UROC1: variants seen among roughly 807,000 people sequenced by gnomAD.
UROC1 encodes the protein urocanate hydratase 1, also known as urocanate hydratase.
A neutral mutation model predicts 89.5 loss-of-function variants in UROC1; 79 were observed. The ratio of observed to expected loss-of-function variants is 0.88; its 90% confidence interval spans 0.74 to 1.06. The LOEUF (loss-of-function observed/expected upper bound fraction) is 1.06. UROC1 is among the 50% of genes least tolerant of loss of function. UROC1 has a pLI of 0.00. For missense variants in UROC1, 885 were observed against 907.8 expected (o/e 0.97, Z 0.32); for synonymous variants, 361 against 354.8 (o/e 1.02, Z -0.20).
intron 13 of UROC1, 75 bp downstream of exon 13, chr3:126,499,262 T>A: frequency 6.6e-7 from 1 of 1,524,774 alleles, no homozygotes; most frequent in Admixed American, 1.7e-5. Context: ...CCAACCTAAA[T>A]ACCCAGGACG....
intron 11 of UROC1, 128 bp downstream of exon 11, chr3:126,500,567 G>T: frequency 4.4e-6 from 5 of 1,127,254 alleles, no homozygotes; most frequent in Non-Finnish European, 6.7e-6. Flanking sequence ...GGAGGCAGAG[G>T]CTCAGAGAGG....
intron 18 of UROC1, among the ~76,000 whole-genome samples, chr3:126,485,661 C>T (rs1935499669): frequency 6.7e-6 from 1 of 150,236 alleles, no homozygotes; most frequent in South Asian, 2.1e-4. Flanking sequence ...ACCTCCTGGG[C>T]TCAAGCAATC....
chr3:126,489,871 G>A (rs577087497), intron 16 of UROC1, among the ~76,000 whole-genome samples: 1 of 152,320 alleles, frequency 6.6e-6, no homozygotes, highest in South Asian at 2.1e-4. Context: ...GTATGTCGAG[G>A]AGAGTACTAA....
intron 10 of UROC1, 122 bp from the exon 11 acceptor site, chr3:126,500,996 C>T (rs1935907225): frequency 1.4e-6 from 2 of 1,409,596 alleles, no homozygotes; most frequent in African/African-American, 1.4e-5. Flanking sequence ...ACAGCCCGAG[C>T]CAGACCCTGC....
At position 126,499,363 on chromosome 3, in the gene UROC1, G is replaced by C. The variant is rs1935855705; in HGVS notation, c.1290C>G (p.Tyr430Ter). 1.2e-6 allele frequency: 2 copies of C among 1,612,300 alleles called. No homozygotes were observed. The highest frequency in any genetic ancestry group is 1.7e-6 in the Non-Finnish European group (2 of 1,179,728). The change falls in exon 13 of 20, where the codon TAC (tyrosine) becomes TAG (stop). Residue 430 changes from tyrosine (Y) to a stop codon, truncating the protein, a stop_gained. Transcript: ENST00000290868. LOFTEE classifies it high-confidence loss of function. ...KKGAGRTEFRYPSYVQHIMGD... is the reference protein window; with the variant it reads ...KKGAGRTEFR ...CCATGATGTGCTGCACATAGGAAGGGTAGCGGAACTCTGTCCTGCCAGCAC... is the reference window on the plus strand; with the variant it reads ...CCATGATGTGCTGCACATAGGAAGGCTAGCGGAACTCTGTCCTGCCAGCAC...
intron 10 of UROC1, 140 bp from the exon 11 acceptor site, chr3:126,501,014 C>A (rs1320157728): frequency 2.9e-6 from 4 of 1,365,600 alleles, no homozygotes; most frequent in Non-Finnish European, 4.1e-6. Context: ...TGCTTTCCCC[C>A]TGGAAAGAGA....
chr3:126,482,322 A>C lies in UROC1; in HGVS notation c.*23T>G. On this transcript the variant is annotated 3_prime_UTR_variant, in exon 20 of 20. Transcript: ENST00000290868. ...AGGATCGCCAGGGAGGAAGGGAGGC[A>C]GGGGCCGCGACTCCTGGCTCCCTCA... The C allele has an allele frequency of 6.2e-7, 1 of 1,609,868 alleles. No individual in the cohort carries two copies. The highest frequency in any genetic ancestry group is 1.1e-5 in the South Asian group (1 of 90,972).
intron 18 of UROC1, among the ~76,000 whole-genome samples, chr3:126,484,114 G>A (rs965218322): frequency 1.3e-5 from 2 of 152,152 alleles, no homozygotes; most frequent in African/African-American, 4.8e-5. Flanking sequence ...TGAAGGCTAA[G>A]TTCCTTTATT....
intron 4 of UROC1, 23 bp downstream of exon 4, chr3:126,508,393 C>T (rs367929046): frequency 1.9e-5 from 30 of 1,612,422 alleles, no homozygotes; most frequent in Admixed American, 3.3e-5. Context: ...GGGGTGGGGA[C>T]GAGGCCACAC....
intron 18 of UROC1, among the ~76,000 whole-genome samples, chr3:126,484,325 C>T (rs919085101): frequency 3.9e-5 from 6 of 152,170 alleles, no homozygotes; most frequent in Non-Finnish European, 7.3e-5. Flanking sequence ...CATTCACCTA[C>T]GAGCTGCTGC....
intron 8 of UROC1, among the ~76,000 whole-genome samples, chr3:126,505,011 C>T (rs1419229825): frequency 6.6e-6 from 1 of 152,102 alleles, no homozygotes; most frequent in Non-Finnish European, 1.5e-5. Flanking sequence ...TTTGTTCCTA[C>T]AAGAGCTGGT....
chr3:126,505,635 A>G, intron 8 of UROC1, 66 bp downstream of exon 8: 2 of 1,289,020 alleles, frequency 1.6e-6, no homozygotes, highest in Admixed American at 2.3e-5. Context: ...TCCGGGAGGA[A>G]GAAGGGAGGG....
intron 9 of UROC1, among the ~76,000 whole-genome samples, chr3:126,502,289 G>A (rs1935944160): frequency 9.0e-6 from 1 of 111,230 alleles, no homozygotes; most frequent in African/African-American, 3.2e-5. Context: ...GTGTTTGTGT[G>A]TGCTGTGTGT....
In UROC1 at chr3:126,505,970, G is replaced by A. The variant is rs1191312116; in HGVS notation, c.644C>T (p.Pro215Leu). ...MTAGSYCYIG[P>L]QGIVHGTVLT... ...CACAGTGCCATGAACGATTCCCTGG[G>A]GACCGATGTAGCAGTAGCTACCTGC... Residue 215 changes from proline (P) to leucine (L), a missense_variant, in exon 7 of 20, where the codon CCC becomes CTC. Transcript: ENST00000290868. 6.2e-7 allele frequency: 1 copy of A among 1,613,530 alleles called. No homozygotes were observed. Among genetic ancestry groups the A allele is most frequent in the Admixed American group, 1.7e-5 (1 of 60,000 alleles).
intron 16 of UROC1, among the ~76,000 whole-genome samples, chr3:126,489,755 C>T (rs997920703): frequency 1.3e-5 from 2 of 152,200 alleles, no homozygotes; most frequent in Non-Finnish European, 2.9e-5. Flanking sequence ...CGGCGCTCCT[C>T]GTCTTACGAT....
intron 3 of UROC1, among the ~76,000 whole-genome samples, chr3:126,508,777 T>C (rs1465961113): frequency 6.6e-6 from 1 of 151,950 alleles, no homozygotes; most frequent in Non-Finnish European, 1.5e-5. Flanking sequence ...GTTTAGGGCG[T>C]TTCCACCTAC....
intron 9 of UROC1, among the ~76,000 whole-genome samples, chr3:126,502,787 ATG>A (rs1935964950): frequency 1.3e-5 from 2 of 149,264 alleles, no homozygotes; most frequent in Admixed American, 6.7e-5. Flanking sequence ...GTATGTGTGC[ATG>A]TGTGTGCTGT....
Position 126,496,041 on chromosome 3 carries a change from C to T in UROC1, c.1506G>A (p.Arg502=), listed in dbSNP as rs556210185. ...IRWIREAARH[R]LVVGSQARIL... Reference sequence around the variant, plus strand: ...TCCCCCAGGCCTGGGCCCTCACCAGCCGGTGCCTGGCGGCCTCCCGGATCC... The same window carrying T: ...TCCCCCAGGCCTGGGCCCTCACCAGTCGGTGCCTGGCGGCCTCCCGGATCC... The change falls in exon 15 of 20, where the codon CGG becomes CGA. Residue 502 remains arginine (R), a synonymous_variant. Transcript: ENST00000290868. 6.2e-7 allele frequency: 1 copy of T among 1,613,142 alleles called. No homozygotes were observed. Among genetic ancestry groups the T allele is most frequent in the Admixed American group, 1.7e-5 (1 of 59,990 alleles).
At chr3:126,502,434 T>G (rs1935952579) in intron 9 of UROC1, among the ~76,000 whole-genome samples, 1 of 151,786 alleles carries the variant, frequency 6.6e-6, no homozygotes, top group Non-Finnish European at 1.5e-5. Flanking sequence ...GTGTTTGTGT[T>G]TATTATGTAT....
Sources: allele counts gnomAD v4.1 joint callset (sites outside exome capture counted in the v4.1 genomes callset), GRCh38; gene constraint gnomAD v4.1.1; transcripts MANE v1.5; gene names NCBI Gene and HGNC (gene_info 2026-07-23, HGNC 2026-07-21).